Variants in BRSK2 observed in about 807,000 individuals in gnomAD.
BRSK2 encodes the protein serine/threonine-protein kinase BRSK2.
Under a neutral mutation model 83.3 loss-of-function variants are expected in BRSK2, and 19 were observed. That is an observed-to-expected ratio of 0.23 (90% CI 0.16 to 0.33). BRSK2 has a LOEUF of 0.33. Ranked by LOEUF, BRSK2 falls within the 10% of genes least tolerant of loss-of-function variation. The pLI, the probability that BRSK2 is intolerant of heterozygous loss-of-function variation, is 1.00. For synonymous variants in BRSK2, 519 were observed against 435.4 expected (o/e 1.19, Z -2.39); for missense variants, 798 against 1,042.3 (o/e 0.77, Z 3.23).
chr11:1,454,931 G>T lies in BRSK2; in HGVS notation c.1668+323G>T, dbSNP rs891817158. ...GGGGCAGAAGGAAGGCTCCAGCTGG[G>T]TGGGTCTCAGAGGGGGACATTTCCA... On this transcript the variant is annotated intron_variant, in intron 16 of 19. Transcript: ENST00000528841. The surrounding 1 kb of genome is among the most constrained non-coding windows in gnomAD (Gnocchi z 5.2). 6.6e-6 allele frequency among the ~76,000 whole-genome samples: 1 copy of T among 152,094 alleles called. No homozygotes were observed. The highest frequency in any genetic ancestry group is 1.9e-4 in the East Asian group (1 of 5,172).
At chr11:1,460,330 G>A (rs1231613581) in intron 19 of BRSK2, among the ~76,000 whole-genome samples, 170 bp from the exon 20 acceptor site, 3 of 151,732 alleles carry the variant, frequency 2.0e-5, no homozygotes, top group African/African-American at 4.8e-5. Flanking sequence ...ACCGGTCCCC[G>A]CTCGGCCCCA....
chr11:1,455,252 C>T (rs1450751510), intron 16 of BRSK2, among the ~76,000 whole-genome samples: 1 of 152,024 alleles, frequency 6.6e-6, no homozygotes, highest in Non-Finnish European at 1.5e-5. Context: ...CCCTTCCTTG[C>T]CGGCCCTGCC....
At position 1,460,836 on chromosome 11, in the gene BRSK2, TC is replaced by T. The variant is rs1176228816; in HGVS notation, c.*114del. On this transcript the variant is annotated 3_prime_UTR_variant, in exon 20 of 20. Coordinates refer to ENST00000528841, the MANE Select transcript of BRSK2 (RefSeq NM_001256627.2). ...CGCCGCCCGTCCGTCCAGACTGTTC[TC>T]AGAGCCTGGGAGGAAAGGAAAGGGG... 6 of 1,534,628 alleles carry T rather than the reference TC, an allele frequency of 3.9e-6. No individual in the cohort carries two copies. Among genetic ancestry groups the T allele is most frequent in the Non-Finnish European group, 5.2e-6 (6 of 1,143,852 alleles).
In BRSK2 at chr11:1,451,434, C is replaced by G. The variant is rs1235480779; in HGVS notation, c.1544+15C>G. 6.2e-7 allele frequency: 1 copy of G among 1,612,100 alleles called. No individual in the cohort carries two copies. Among genetic ancestry groups the G allele is most frequent in the Non-Finnish European group, 8.5e-7 (1 of 1,179,448 alleles). Reference sequence around the variant, plus strand: ...TCGTCCCCAGAGTAAGTGGCCCCTGCTGGAGGCCTCCTGGTACCTGACACC... The same window carrying G: ...TCGTCCCCAGAGTAAGTGGCCCCTGGTGGAGGCCTCCTGGTACCTGACACC... On this transcript the variant is annotated intron_variant, in intron 15 of 19. Transcript: ENST00000528841.
At chr11:1,444,901 C>T (rs939654420) in intron 8 of BRSK2, 70 bp from the exon 9 acceptor site, 27 of 1,479,384 alleles carry the variant, frequency 1.8e-5, no homozygotes, top group Non-Finnish European at 2.5e-5. Context: ...CCTGCCTTCC[C>T]CCTCACCTCC....
rs1261225062 is a variant in BRSK2, at chr11:1,410,582, C to T, written c.91+20207C>T. 12 of 985,444 alleles carry T rather than the reference C, an allele frequency of 1.2e-5. No homozygotes were observed. In the South Asian group the frequency reaches 1.9e-4, roughly 15 times the overall value. The allele number at this position is 985,444 out of a possible 1,614,324, so 61.0% of individuals were successfully genotyped here. ...TGATGTCGTCAGGCTCTCTGGTCCC[C>T]GGGAGTGGACTCGGGGGCTCCGAGT... On this transcript the variant is annotated intron_variant, in intron 1 of 19. Transcript: ENST00000528841.
Position 1,423,676 on chromosome 11 carries a change from C to T in BRSK2, c.92-12364C>T, listed in dbSNP as rs11026538. 2.9e-5 allele frequency among the ~76,000 whole-genome samples: 4 copies of T among 139,814 alleles called. No homozygotes were observed. The highest frequency in any genetic ancestry group is 4.5e-5 in the Non-Finnish European group (3 of 66,212). The allele number at this position is 139,814 out of a possible 152,430, so 91.7% of individuals were successfully genotyped here. Reference sequence around the variant, plus strand: ...AGGAAGCCCTGCCCCAAGCCTCCCCCGCTGGGCGTTCCGGGTGCCCCAGGC... The same window carrying T: ...AGGAAGCCCTGCCCCAAGCCTCCCCTGCTGGGCGTTCCGGGTGCCCCAGGC... On this transcript the variant is annotated intron_variant, in intron 1 of 19. Coordinates refer to ENST00000528841, the MANE Select transcript of BRSK2 (RefSeq NM_001256627.2). The surrounding 1 kb of genome is among the most constrained non-coding windows in gnomAD (Gnocchi z 6.5).
chr11:1,456,276 A>G (rs1328121202), intron 16 of BRSK2, 72 bp from the exon 17 acceptor site: 24 of 1,436,710 alleles, frequency 1.7e-5, no homozygotes, highest in East Asian at 5.0e-5. Flanking sequence ...GGCTCGCCCC[A>G]GGGCTGCCTC....
chr11:1,452,757 C>T (rs11603658), intron 15 of BRSK2, among the ~76,000 whole-genome samples: 65,466 of 151,346 alleles, frequency 0.43, 15,488 homozygotes, highest in Non-Finnish European at 0.54. Context: ...CCCAAGGGCC[C>T]GGCACAGATG....
At chr11:1,410,588 T>C in intron 1 of BRSK2, 2 of 984,950 alleles carry the variant, frequency 2.0e-6, no homozygotes, top group Non-Finnish European at 2.4e-6. Flanking sequence ...TCCCCGGGAG[T>C]GGACTCGGGG....
chr11:1,447,982 G>C lies in BRSK2; in HGVS notation c.1227-1794G>C. The C allele has an allele frequency of 3.9e-6, 4 of 1,014,898 alleles. No individual in the cohort carries two copies. In the South Asian group the frequency reaches 4.3e-5, roughly 11 times the overall value. The allele number at this position is 1,014,898 out of a possible 1,614,324, so 62.9% of individuals were successfully genotyped here. On this transcript the variant is annotated intron_variant, in intron 12 of 19. Transcript: ENST00000528841. ...GGCTGGGCTGCAGGGCTCCTGCTGC[G>C]GTGAAGCCAGCCAGCAAGCCAGGCA...
At chr11:1,447,719 G>A in intron 12 of BRSK2, 1 of 1,364,944 alleles carries the variant, frequency 7.3e-7, no homozygotes, top group Non-Finnish European at 1.0e-6. Flanking sequence ...CTTACCCGGT[G>A]TGGCCCGGGC....
rs1026474432 is a variant in BRSK2 at position 1,460,896 on chromosome 11, G to T, written c.*173G>T. 3 of 1,605,444 alleles carry T rather than the reference G, an allele frequency of 1.9e-6. No individual in the cohort carries two copies. The East Asian group carries it at 6.7e-5, about 36-fold the overall frequency. ...CCGGCCTGTGGGCTGCGCCACCCGC[G>T]CCCGCTCTCTTTTCTCTCTGTCTCT... On this transcript the variant is annotated 3_prime_UTR_variant, in exon 20 of 20. Coordinates refer to ENST00000528841, the MANE Select transcript of BRSK2 (RefSeq NM_001256627.2).
intron 1 of BRSK2, among the ~76,000 whole-genome samples, chr11:1,406,825 T>G (rs1846906955): frequency 6.6e-6 from 1 of 152,210 alleles, no homozygotes. Context: ...CCCAGGCATC[T>G]GCTCCCTCCA....
intron 15 of BRSK2, among the ~76,000 whole-genome samples, chr11:1,453,077 G>A (rs760025804): frequency 6.6e-6 from 1 of 152,246 alleles, no homozygotes; most frequent in East Asian, 1.9e-4. Flanking sequence ...TCTTTCCCCA[G>A]GAAGACCGAA....
intron 15 of BRSK2, among the ~76,000 whole-genome samples, chr11:1,451,917 C>T (rs1265048862): frequency 1.3e-5 from 2 of 152,118 alleles, no homozygotes; most frequent in Non-Finnish European, 2.9e-5. Context: ...GCTGAGATGC[C>T]CTGGGGGCCG....
chr11:1,435,209 G>A (rs971619466), intron 1 of BRSK2, among the ~76,000 whole-genome samples: 5 of 147,134 alleles, frequency 3.4e-5, no homozygotes, highest in Non-Finnish European at 6.0e-5. Context: ...TCTCAGCAGA[G>A]GAGGGGTGCC....
At chr11:1,460,439 TCC>T in intron 19 of BRSK2, 59 bp from the exon 20 acceptor site, 2 of 1,093,724 alleles carry the variant, frequency 1.8e-6, no homozygotes, top group Non-Finnish European at 1.2e-6. Flanking sequence ...CCTCTTTCTC[TCC>T]CCCTTTTTTT....
chr11:1,407,735 C>A (rs1364914819), intron 1 of BRSK2, among the ~76,000 whole-genome samples: 1 of 152,252 alleles, frequency 6.6e-6, no homozygotes, highest in African/African-American at 2.4e-5. Flanking sequence ...ATTGTGAAAA[C>A]CAGTTAATAG....
Sources: allele counts gnomAD v4.1 joint callset (sites outside exome capture counted in the v4.1 genomes callset), GRCh38; gene constraint gnomAD v4.1.1; non-coding constraint Gnocchi (gnomAD v3.1); transcripts MANE v1.5; gene names NCBI Gene and HGNC (gene_info 2026-07-23, HGNC 2026-07-21).